NCKAP5: variants seen among roughly 807,000 people sequenced by gnomAD.
The protein encoded by NCKAP5 is NCK associated protein 5, also known as nck-associated protein 5.
A neutral mutation model predicts 167.0 loss-of-function variants in NCKAP5; 92 were observed. The ratio of observed to expected loss-of-function variants is 0.55; its 90% CI spans 0.47 to 0.66. The LOEUF (loss-of-function observed/expected upper bound fraction) is 0.66. NCKAP5 is among the 30% of genes least tolerant of loss of function. The probability of loss-of-function intolerance (pLI) is 0.00; values close to 1 mark genes in which losing one functional copy is unlikely to be tolerated. For synonymous variants in NCKAP5, 891 were observed against 877.4 expected (o/e 1.02, Z -0.27); for missense variants, 2,378 against 2,315.0 (o/e 1.03, Z -0.56).
intron 3 of NCKAP5, among the ~76,000 whole-genome samples, chr2:133,308,310 G>C (rs113126958): frequency 0.11 from 16,711 of 151,544 alleles, 948 homozygotes; most frequent in South Asian, 0.14. Context: ...GGATGGTCTC[G>C]ATCTCCTGAC....
At chr2:133,272,586 T>C (rs116190357) in intron 4 of NCKAP5, among the ~76,000 whole-genome samples, 1,606 of 152,286 alleles carry the variant, frequency 0.011, 34 homozygotes, top group African/African-American at 0.037. Flanking sequence ...GTCCAAAATT[T>C]TAAACTTATT....
intron 6 of NCKAP5, among the ~76,000 whole-genome samples, chr2:133,002,067 C>G (rs2077801619): frequency 6.6e-6 from 1 of 152,140 alleles, no homozygotes. Flanking sequence ...TCCCCAGATT[C>G]TGGTATCTGA....
chr2:132,673,321 GA>G lies in NCKAP5; in HGVS notation c.5714-17del, dbSNP rs1392837798. 1.5e-5 allele frequency: 21 copies of G among 1,409,898 alleles called. No homozygotes were observed. In the Admixed American group the frequency reaches 1.6e-4, roughly 11 times the overall value. The allele number at this position is 1,409,898 out of a possible 1,614,324, so 87.3% of individuals were successfully genotyped here. On this transcript the variant is annotated splice_polypyrimidine_tract_variant and intron_variant, in intron 19 of 19. Coordinates refer to ENST00000409261, the MANE Select transcript of NCKAP5 (RefSeq NM_207363.3). ...GTCTCAATTTCTGCAATAAAAAGAAGAAAATATTAGAAACATATTTCTTTGG... is the reference window on the plus strand; with the variant it reads ...GTCTCAATTTCTGCAATAAAAAGAAGAAATATTAGAAACATATTTCTTTGG...
intron 6 of NCKAP5, among the ~76,000 whole-genome samples, chr2:133,082,199 G>T (rs1452147830): frequency 6.6e-6 from 1 of 151,926 alleles, no homozygotes; most frequent in Admixed American, 6.6e-5. Flanking sequence ...TTTAAATGAA[G>T]GGTACATTAA....
chr2:133,579,195 C>T, the NCKAP5 span, among the ~76,000 whole-genome samples: 2 of 152,202 alleles, frequency 1.3e-5, no homozygotes, highest in Non-Finnish European at 2.9e-5. Context: ...GAGGCACATA[C>T]AGGTTGAGTA....
At chr2:133,506,568 G>T (rs760266591) in intron 3 of NCKAP5, among the ~76,000 whole-genome samples, 5 of 152,160 alleles carry the variant, frequency 3.3e-5, no homozygotes, top group Non-Finnish European at 4.4e-5. Flanking sequence ...TCCCCTTGCT[G>T]CAGGGCCAGC....
intron 13 of NCKAP5, among the ~76,000 whole-genome samples, chr2:132,786,118 T>TA: frequency 6.6e-6 from 1 of 152,168 alleles, no homozygotes; most frequent in Non-Finnish European, 1.5e-5. Context: ...GGTATATATA[T>TA]TTTTTTCTTT....
At chr2:132,684,292 T>C (rs1685646365) in intron 19 of NCKAP5, among the ~76,000 whole-genome samples, 2 of 152,242 alleles carry the variant, frequency 1.3e-5, no homozygotes, top group Non-Finnish European at 2.9e-5. Context: ...TAGTTAATTG[T>C]GTAACTCAGG....
At chr2:133,606,516 G>A in the NCKAP5 span, among the ~76,000 whole-genome samples, 14 of 152,230 alleles carry the variant, frequency 9.2e-5, no homozygotes, top group Non-Finnish European at 2.9e-5. Flanking sequence ...AAAGGCCTGG[G>A]CCCACACTGA....
At chr2:133,132,527 AAC>A (rs2082644346) in intron 5 of NCKAP5, among the ~76,000 whole-genome samples, 2 of 149,626 alleles carry the variant, frequency 1.3e-5, no homozygotes, top group African/African-American at 4.9e-5. Context: ...AAACCCTGAT[AAC>A]ACAGAGAAAA....
intron 19 of NCKAP5, among the ~76,000 whole-genome samples, chr2:132,712,584 G>A (rs1688971872): frequency 6.6e-6 from 1 of 152,052 alleles, no homozygotes; most frequent in Non-Finnish European, 1.5e-5. Flanking sequence ...CCCGGAAGGC[G>A]GAGCTTGCAG....
In NCKAP5 at chr2:133,308,689, C is replaced by CTTTTTTTTT. The variant is rs35760716; in HGVS notation, c.70-5588_70-5580dup. Among the ~76,000 whole-genome samples the CTTTTTTTTT allele has an allele frequency of 2.4e-4, 14 of 59,254 alleles. 1 individual carries two copies. The highest frequency in any genetic ancestry group is 4.4e-4 in the African/African-American group (7 of 15,760). The allele number at this position is 59,254 out of a possible 152,430, so 38.9% of individuals were successfully genotyped here. A position where few individuals can be genotyped will look rare whatever the true frequency, so the allele number is the denominator to read the frequency against. On this transcript the variant is annotated intron_variant, in intron 3 of 19. Coordinates refer to ENST00000409261, the MANE Select transcript of NCKAP5 (RefSeq NM_207363.3). Reference sequence around the variant, plus strand: ...TTTTTTCGTTTGAAGAAATACAATTCTTTTTTTTTTTTTTTTTTTTTTTTT... The same window carrying CTTTTTTTTT: ...TTTTTTCGTTTGAAGAAATACAATTCTTTTTTTTTTTTTTTTTTTTTTTTTTTTTTTTTT...
intron 8 of NCKAP5, among the ~76,000 whole-genome samples, chr2:132,932,369 G>A (rs536084024): frequency 8.0e-4 from 122 of 151,836 alleles, no homozygotes; most frequent in African/African-American, 2.7e-3. Flanking sequence ...GTCATTTAGC[G>A]AAAGTTCCCC....
intron 15 of NCKAP5, among the ~76,000 whole-genome samples, chr2:132,777,200 G>A (rs1462668145): frequency 6.6e-6 from 1 of 152,134 alleles, no homozygotes. Context: ...GGGCTCTGCA[G>A]TTCTAGTTAG....
chr2:133,213,077 G>T (rs1236817459), intron 5 of NCKAP5, among the ~76,000 whole-genome samples: 1 of 152,106 alleles, frequency 6.6e-6, no homozygotes, highest in African/African-American at 2.4e-5. Context: ...GTTACTCCAC[G>T]CATGCATTCC....
chr2:133,245,576 C>T (rs1297373519), intron 4 of NCKAP5, among the ~76,000 whole-genome samples: 1 of 151,848 alleles, frequency 6.6e-6, no homozygotes, highest in South Asian at 2.1e-4. Context: ...TGTGAAAAAC[C>T]AGTATACTAA....
intron 1 of NCKAP5, among the ~76,000 whole-genome samples, chr2:133,567,074 G>A (rs1349437597): frequency 6.6e-6 from 1 of 152,218 alleles, no homozygotes; most frequent in East Asian, 1.9e-4. Context: ...GAATTCAGGA[G>A]CAAGCCAGGC....
chr2:133,255,467 C>T (rs2088567952), intron 4 of NCKAP5, among the ~76,000 whole-genome samples: 1 of 152,196 alleles, frequency 6.6e-6, no homozygotes, highest in African/African-American at 2.4e-5. Flanking sequence ...CATTGATCCA[C>T]TCACTTATGT....
intron 18 of NCKAP5, 61 bp downstream of exon 18, chr2:132,728,755 A>G: frequency 6.3e-7 from 1 of 1,578,906 alleles, no homozygotes; most frequent in Middle Eastern, 2.2e-4. Flanking sequence ...TTTTTAGGGT[A>G]CACTTTTTAG....
Sources: allele counts gnomAD v4.1 joint callset (sites outside exome capture counted in the v4.1 genomes callset), GRCh38; gene constraint gnomAD v4.1.1; transcripts MANE v1.5; gene names NCBI Gene and HGNC (gene_info 2026-07-23, HGNC 2026-07-21).